Variants in GPR158 observed in about 807,000 individuals in gnomAD.
GPR158 encodes the protein G protein-coupled receptor 158.
Under a neutral mutation model 78.2 loss-of-function variants are expected in GPR158, and 30 were observed. The ratio of observed to expected loss-of-function variants is 0.38; its 90% CI spans 0.29 to 0.52. GPR158 has a LOEUF of 0.52. Among genes scored for constraint, GPR158 ranks in the 20% least tolerant of loss-of-function variants. The pLI, the probability that GPR158 is intolerant of heterozygous loss-of-function variation, is 0.83. For synonymous variants in GPR158, 581 were observed against 591.1 expected (o/e 0.98, Z 0.25); for missense variants, 1,463 against 1,523.5 (o/e 0.96, Z 0.66).
At position 25,601,300 on chromosome 10, in the gene GPR158, A is replaced by G. The variant is rs1163386816; in HGVS notation, c.*2026A>G. The G allele has an allele frequency of 6.6e-6, 1 of 152,618 alleles. No homozygotes were observed. 9.5% of individuals were successfully genotyped at this position (152,618 alleles called of 1,614,324 possible). On this transcript the variant is annotated 3_prime_UTR_variant, in exon 11 of 11. Transcript: ENST00000376351. ...TACTCAGGTTGGTGGGGTCGGTTTGAGAAGATATAGAAATTCTATTTTTGT... is the reference window on the plus strand; with the variant it reads ...TACTCAGGTTGGTGGGGTCGGTTTGGGAAGATATAGAAATTCTATTTTTGT...
intron 2 of GPR158, among the ~76,000 whole-genome samples, chr10:25,260,489 A>C (rs1269963241): frequency 6.6e-6 from 1 of 152,054 alleles, no homozygotes; most frequent in East Asian, 1.9e-4. Flanking sequence ...AGTTAATATG[A>C]ATTTTTACAT....
intron 5 of GPR158, among the ~76,000 whole-genome samples, chr10:25,525,200 C>T (rs1436663619): frequency 6.6e-6 from 1 of 152,134 alleles, no homozygotes; most frequent in Non-Finnish European, 1.5e-5. Context: ...ATGGTGCAGT[C>T]ACTCTCTAAA....
rs988628999 is a variant in GPR158 at position 25,197,221 on chromosome 10, C to T, written c.902+20899C>T. 3.9e-5 allele frequency among the ~76,000 whole-genome samples: 6 copies of T among 152,184 alleles called. No individual in the cohort carries two copies. The South Asian group carries it at 6.2e-4, about 16-fold the overall frequency. On this transcript the variant is annotated intron_variant, in intron 1 of 10. Transcript: ENST00000376351. ...ATACTTAGGATATGAATATCACATT[C>T]GCCCTTTTACTTATTACCTGTGTCT...
At chr10:25,568,642 A>G (rs1588916437) in intron 6 of GPR158, among the ~76,000 whole-genome samples, 1 of 152,348 alleles carries the variant, frequency 6.6e-6, no homozygotes, top group Non-Finnish European at 1.5e-5. Context: ...CCAGAAATGT[A>G]CAGAAAATTA....
chr10:25,414,577 A>G lies in GPR158; in HGVS notation c.1335+2104A>G, dbSNP rs373547258. 1.4e-4 allele frequency among the ~76,000 whole-genome samples: 22 copies of G among 152,296 alleles called. 1 individual carries two copies. The highest frequency in any genetic ancestry group is 5.0e-4 in the African/African-American group (21 of 41,588). On this transcript the variant is annotated intron_variant, in intron 4 of 10. Coordinates refer to ENST00000376351, the MANE Select transcript of GPR158 (RefSeq NM_020752.3). ...AGTGCAATTTTCTGCTGTGATTTCA[A>G]TTGCTAAAAGCAACTGTAAAAATGA...
chr10:25,585,325 A>T (rs1037561890), intron 7 of GPR158, among the ~76,000 whole-genome samples: 1 of 152,238 alleles, frequency 6.6e-6, no homozygotes, highest in African/African-American at 2.4e-5. Flanking sequence ...ACATTGTCCC[A>T]GTACTGTTGC....
chr10:25,279,508 TGGG>T (rs1228674634), intron 2 of GPR158, among the ~76,000 whole-genome samples: 1 of 150,356 alleles, frequency 6.7e-6, no homozygotes, highest in Non-Finnish European at 1.5e-5. Flanking sequence ...TTTTGTGGGG[TGGG>T]GGGAGATTTG....
intron 2 of GPR158, among the ~76,000 whole-genome samples, chr10:25,391,136 A>T (rs112905449): frequency 0.011 from 1,735 of 152,300 alleles, 8 homozygotes; most frequent in Non-Finnish European, 0.016. Flanking sequence ...ATGCATAGAA[A>T]CACCTGGATG....
chr10:25,601,448 A>G lies in GPR158; in HGVS notation c.*2174A>G, dbSNP rs983345767. On this transcript the variant is annotated 3_prime_UTR_variant, in exon 11 of 11. Coordinates refer to ENST00000376351, the MANE Select transcript of GPR158 (RefSeq NM_020752.3). ...GTTCCTAGACCCACATATTTGTTTCATTTATGTCTGAAATCTGTTAGCACT... is the reference window on the plus strand; with the variant it reads ...GTTCCTAGACCCACATATTTGTTTCGTTTATGTCTGAAATCTGTTAGCACT... 6 of 152,506 alleles carry G rather than the reference A, an allele frequency of 3.9e-5. No individual in the cohort carries two copies. The highest frequency in any genetic ancestry group is 2.6e-4 in the Admixed American group (4 of 15,266). The allele number at this position is 152,506 out of a possible 1,614,324, so 9.4% of individuals were successfully genotyped here.
At chr10:25,304,106 G>A (rs1854634487) in intron 2 of GPR158, among the ~76,000 whole-genome samples, 1 of 151,854 alleles carries the variant, frequency 6.6e-6, no homozygotes, top group Admixed American at 6.6e-5. Context: ...AAAAGAAAGG[G>A]TATGGTTGTT....
At chr10:25,268,283 G>A (rs1460720760) in intron 2 of GPR158, among the ~76,000 whole-genome samples, 1 of 152,128 alleles carries the variant, frequency 6.6e-6, no homozygotes, top group African/African-American at 2.4e-5. Context: ...TCCCTTAGGT[G>A]CTTTGCTATT....
At chr10:25,511,026 T>A (rs1328638439) in intron 5 of GPR158, among the ~76,000 whole-genome samples, 1 of 152,234 alleles carries the variant, frequency 6.6e-6, no homozygotes, top group Non-Finnish European at 1.5e-5. Flanking sequence ...AGTATCTTTC[T>A]CATAGAATGA....
At chr10:25,241,202 C>T (rs978445398) in intron 2 of GPR158, among the ~76,000 whole-genome samples, 17 of 77,466 alleles carry the variant, frequency 2.2e-4, no homozygotes, top group Admixed American at 3.0e-4. Flanking sequence ...TTCTTTCTTT[C>T]CTTTCTTTCC....
intron 5 of GPR158, among the ~76,000 whole-genome samples, chr10:25,497,516 AT>A (rs1835898197): frequency 6.6e-6 from 1 of 152,208 alleles, no homozygotes; most frequent in South Asian, 2.1e-4. Context: ...TTAAAGAGAT[AT>A]TTTAGTCTAG....
At chr10:25,191,861 T>C (rs1244502008) in intron 1 of GPR158, among the ~76,000 whole-genome samples, 1 of 152,090 alleles carries the variant, frequency 6.6e-6, no homozygotes, top group Admixed American at 6.6e-5. Context: ...TCCCTCACTT[T>C]TTTTGGGGTT....
intron 1 of GPR158, among the ~76,000 whole-genome samples, chr10:25,182,273 A>G (rs1051928789): frequency 6.6e-6 from 1 of 152,210 alleles, no homozygotes; most frequent in Non-Finnish European, 1.5e-5. Flanking sequence ...TTCCTGATTT[A>G]CTTGGAGTCA....
At chr10:25,295,692 T>C (rs958905250) in intron 2 of GPR158, among the ~76,000 whole-genome samples, 6 of 152,090 alleles carry the variant, frequency 3.9e-5, no homozygotes, top group South Asian at 2.1e-4. Flanking sequence ...GGATTACAGG[T>C]GTGAGCCACC....
chr10:25,504,266 T>G (rs1275162614), intron 5 of GPR158, among the ~76,000 whole-genome samples: 1 of 152,196 alleles, frequency 6.6e-6, no homozygotes, highest in Non-Finnish European at 1.5e-5. Context: ...AATTCAAATA[T>G]TTGTTGAATA....
At chr10:25,183,730 G>A (rs1349540788) in intron 1 of GPR158, among the ~76,000 whole-genome samples, 1 of 152,166 alleles carries the variant, frequency 6.6e-6, no homozygotes, top group African/African-American at 2.4e-5. Context: ...TAGCTTAAAA[G>A]GAATCTTAGA....
Sources: gnomAD v4.1 joint callset for allele counts (sites outside exome capture counted in the v4.1 genomes callset) on GRCh38, gnomAD v4.1.1 for gene constraint, MANE v1.5 for transcripts, NCBI Gene and HGNC (gene_info 2026-07-23, HGNC 2026-07-21) for gene names.